Variants in SEMA3F observed in about 807,000 individuals in gnomAD.
SEMA3F encodes the protein semaphorin 3F.
Under a neutral mutation model 98.5 loss-of-function variants are expected in SEMA3F, and 30 were observed. The ratio of observed to expected loss-of-function variants is 0.30; its 90% confidence interval spans 0.23 to 0.41. SEMA3F has a LOEUF of 0.41. Ranked by LOEUF, SEMA3F falls within the 10% of genes least tolerant of loss-of-function variation. The pLI is 1.00. For synonymous variants in SEMA3F, 380 were observed against 444.8 expected (o/e 0.85, Z 1.83); for missense variants, 866 against 1,119.3 (o/e 0.77, Z 3.23).
chr3:50,182,385 A>G lies in SEMA3F; in HGVS notation c.745A>G (p.Asn249Asp). The G allele has an allele frequency of 6.2e-7, 1 of 1,613,872 alleles. No homozygotes were observed. Among genetic ancestry groups the G allele is most frequent in the Non-Finnish European group, 8.5e-7 (1 of 1,180,008 alleles). Reference protein sequence around the residue: ...KQTAMRTDQYNSRWLNDPSFI... With the variant: ...KQTAMRTDQYDSRWLNDPSFI... ...GACAGCCATGCGCACGGATCAGTAC[A>G]ACTCCCGGTGGCTGAACGGTAAGCG... Residue 249 changes from asparagine (N) to aspartate (D), a missense_variant, in exon 8 of 19, where the codon AAC becomes GAC. Transcript: ENST00000002829. The surrounding 1 kb of genome is among the most constrained non-coding windows in gnomAD (Gnocchi z 4.5).
chr3:50,188,020 C>G lies in SEMA3F; in HGVS notation c.2263C>G (p.Pro755Ala). Residue 755 changes from proline to alanine, a missense_variant, in exon 19 of 19, where the codon CCC (proline) becomes GCC (alanine). Physicochemically the swap from Pro to Ala is conservative, Grantham distance 27 (BLOSUM62 -1). Coordinates refer to ENST00000002829, the MANE Select transcript of SEMA3F (RefSeq NM_004186.5). This position sits in a 1 kb window ranked among gnomAD's most constrained non-coding sequence, Gnocchi z 4.5. ...YCQGYWRHVP[P>A]SPREAPGAPR... ...CCAGGGTTACTGGCGCCATGTGCCC[C>G]CCAGCCCCAGGGAGGCTCCAGGGGC... The G allele has an allele frequency of 6.2e-7, 1 of 1,601,434 alleles. No homozygotes were observed. Among genetic ancestry groups the G allele is most frequent in the Non-Finnish European group, 8.5e-7 (1 of 1,174,954 alleles).
At chr3:50,175,880 T>A (rs561960961) in intron 6 of SEMA3F, among the ~76,000 whole-genome samples, 1 of 152,240 alleles carries the variant, frequency 6.6e-6, no homozygotes, top group African/African-American at 2.4e-5. Flanking sequence ...GTGTGCACCC[T>A]TGTGTGTGCA....
Position 50,184,728 on chromosome 3 carries a change from C to T in SEMA3F, c.1370C>T (p.Thr457Ile). Residue 457 changes from threonine (T) to isoleucine (I), a missense_variant, in exon 13 of 19, where the codon ACA becomes ATA. Thr to Ile is a moderately conservative substitution (Grantham distance 89). This residue lies in a region of SEMA3F where 374 missense variants were observed against 582.8 expected (regional missense o/e 0.64). Coordinates refer to ENST00000002829, the MANE Select transcript of SEMA3F (RefSeq NM_004186.5). ...CAGCGGCGGCCCCTGGTAGTCCGCA[C>T]AGGTGCTCCCTACCGCCTTACCACT... The part of the protein sequence containing the change: ...PLQRRPLVVR[T>I]GAPYRLTTIA... 1 of 1,614,162 alleles carries T rather than the reference C, an allele frequency of 6.2e-7. No homozygotes were observed. Among genetic ancestry groups the T allele is most frequent in the Non-Finnish European group, 8.5e-7 (1 of 1,180,002 alleles).
intron 2 of SEMA3F, among the ~76,000 whole-genome samples, chr3:50,168,758 T>G (rs1186269916): frequency 6.6e-6 from 1 of 152,066 alleles, no homozygotes; most frequent in Non-Finnish European, 1.5e-5. Context: ...TGTGGGGGTA[T>G]CCGGTAGGGA....
chr3:50,174,811 C>T (rs1200817057), intron 5 of SEMA3F, among the ~76,000 whole-genome samples: 1 of 152,226 alleles, frequency 6.6e-6, no homozygotes, highest in Non-Finnish European at 1.5e-5. Context: ...CCAGCTCTGC[C>T]CCTTCCTGCC....
intron 7 of SEMA3F, 130 bp downstream of exon 7, chr3:50,176,991 C>A (rs1324382582): frequency 4.0e-6 from 3 of 743,824 alleles, no homozygotes; most frequent in African/African-American, 1.7e-5. Context: ...CCAAAAGGCC[C>A]CACCTGGCAA....
chr3:50,178,186 G>C (rs900327992), intron 7 of SEMA3F, among the ~76,000 whole-genome samples: 1 of 152,054 alleles, frequency 6.6e-6, no homozygotes, highest in African/African-American at 2.4e-5. Flanking sequence ...AGGTTGCAGT[G>C]AGCTGAGATC....
intron 13 of SEMA3F, 120 bp from the exon 14 acceptor site, chr3:50,185,323 C>G: frequency 1.1e-6 from 1 of 911,862 alleles, no homozygotes; most frequent in South Asian, 1.7e-5. Context: ...TCCACCTTGG[C>G]ACAAAGCTCC....
In SEMA3F at chr3:50,173,960, G is replaced by C; in HGVS notation, c.273+7G>C. On this transcript the variant is annotated splice_region_variant and intron_variant, in intron 3 of 18. Transcript: ENST00000002829. ...CAACCGCGAGCCCCTCATTGTAAGG[G>C]CTGGCCCTGATGTGGGACGTGGGGT... The C allele has an allele frequency of 6.2e-7, 1 of 1,614,090 alleles. No homozygotes were observed. Among genetic ancestry groups the C allele is most frequent in the South Asian group, 1.1e-5 (1 of 91,082 alleles).
At chr3:50,164,062 G>A (rs1007950585) in intron 2 of SEMA3F, among the ~76,000 whole-genome samples, 1 of 152,218 alleles carries the variant, frequency 6.6e-6, no homozygotes, top group Non-Finnish European at 1.5e-5. Context: ...ATGGAGACAG[G>A]GTCCTTGTGC....
intron 4 of SEMA3F, 30 bp downstream of exon 4, chr3:50,174,144 G>C: frequency 6.2e-7 from 1 of 1,614,018 alleles, no homozygotes; most frequent in East Asian, 2.2e-5. Flanking sequence ...CAGGTGGGAA[G>C]GGGGAATCCA....
In SEMA3F at chr3:50,183,564, G is replaced by A. The variant is rs778238937; in HGVS notation, c.1233G>A (p.Thr411=). Residue 411 remains threonine (T), a splice_region_variant and synonymous_variant, in exon 12 of 19, where the codon ACG becomes ACA. Coordinates refer to ENST00000002829, the MANE Select transcript of SEMA3F (RefSeq NM_004186.5). ...AGATGCCCTACCCACGGCCGGGCAC[G>A]GTAAGGACCCCACTCATCCTGCCTC... ...SGKMPYPRPG[T]CPGGTFTPSM... 9 of 1,613,634 alleles carry A rather than the reference G, an allele frequency of 5.6e-6. No homozygotes were observed. The highest frequency in any genetic ancestry group is 4.5e-5 in the East Asian group (2 of 44,902).
Position 50,182,851 on chromosome 3 carries a change from C to T in SEMA3F, c.904-53C>T. 6.2e-7 allele frequency: 1 copy of T among 1,611,104 alleles called. No homozygotes were observed. ...CTGGCTTCATCAGCCCTGCTCCAGC[C>T]AGGGCTTGGGGTCAAGAGCTGATCT... is the stretch of plus-strand genomic sequence containing the variant. On this transcript the variant is annotated intron_variant, in intron 9 of 18. Transcript: ENST00000002829. This position sits in a 1 kb window ranked among gnomAD's most constrained non-coding sequence, Gnocchi z 4.5.
chr3:50,187,864 C>T lies in SEMA3F; in HGVS notation c.2107C>T (p.His703Tyr), dbSNP rs1699287258. 1.2e-6 allele frequency: 2 copies of T among 1,613,062 alleles called. No individual in the cohort carries two copies. Among genetic ancestry groups the T allele is most frequent in the South Asian group, 1.1e-5 (1 of 91,066 alleles). Residue 703 changes from histidine (H) to tyrosine (Y), a missense_variant, in exon 19 of 19, where the codon CAT (histidine) becomes TAT (tyrosine). Around this residue, in one of 3 missense-constraint regions of SEMA3F, gnomAD observed 245 missense variants for 260.5 expected, o/e 0.94. Coordinates refer to ENST00000002829, the MANE Select transcript of SEMA3F (RefSeq NM_004186.5). Reference protein sequence around the residue: ...QLHVLGRDAVHAALFPPLSMS... With the variant: ...QLHVLGRDAVYAALFPPLSMS... ...GCATGTACTGGGCCGGGACGCCGTC[C>T]ATGCTGCCCTCTTCCCACCACTGTC...
chr3:50,187,650 C>T, intron 18 of SEMA3F, 55 bp from the exon 19 acceptor site: 1 of 1,475,468 alleles, frequency 6.8e-7, no homozygotes, highest in Non-Finnish European at 9.1e-7. Flanking sequence ...TGGTTGCTGG[C>T]TAGGGCCATA....
rs757373473 is a variant in SEMA3F, at chr3:50,185,876, C to T, written c.1588-13C>T. The T allele has an allele frequency of 5.2e-5, 83 of 1,609,602 alleles. No homozygotes were observed. The highest frequency in any genetic ancestry group is 6.3e-5 in the Non-Finnish European group (74 of 1,176,944). On this transcript the variant is annotated splice_polypyrimidine_tract_variant and intron_variant, in intron 15 of 18. Transcript: ENST00000002829. ...TGGGACAGGAACTGACAAGGCCCTA[C>T]CCTTTGCCCCAGCAACAACTCTACG...
chr3:50,160,278 T>C (rs1187037499), intron 2 of SEMA3F, among the ~76,000 whole-genome samples: 2 of 152,230 alleles, frequency 1.3e-5, no homozygotes, highest in East Asian at 3.9e-4. Context: ...CTGTTGGCTG[T>C]GACTGGCAGG....
chr3:50,179,222 A>G (rs941218737), intron 7 of SEMA3F, among the ~76,000 whole-genome samples: 2 of 152,022 alleles, frequency 1.3e-5, no homozygotes, highest in Non-Finnish European at 2.9e-5. Flanking sequence ...CTAATAAGAG[A>G]GTCTGACTGT....
intron 1 of SEMA3F, 56 bp from the exon 2 acceptor site, chr3:50,159,519 A>C: frequency 1.5e-6 from 1 of 663,540 alleles, no homozygotes; most frequent in African/African-American, 1.8e-5. Flanking sequence ...CACCTTGGGT[A>C]GAAATTGAAC....
Sources: allele counts gnomAD v4.1 joint callset (sites outside exome capture counted in the v4.1 genomes callset), GRCh38; gene constraint gnomAD v4.1.1; regional missense constraint gnomAD v4.1.1; non-coding constraint Gnocchi (gnomAD v3.1); transcripts MANE v1.5; gene names NCBI Gene and HGNC (gene_info 2026-07-23, HGNC 2026-07-21).